Variants in ECD observed in about 807,000 individuals in gnomAD.
ECD encodes ecdysoneless cell cycle regulator.
Under a neutral mutation model 77.2 loss-of-function variants are expected in ECD, and 59 were observed. The ratio of observed to expected loss-of-function variants is 0.76; its 90% CI spans 0.62 to 0.95. The LOEUF (loss-of-function observed/expected upper bound fraction) is 0.95. Ranked by LOEUF, ECD falls within the 40% of genes least tolerant of loss-of-function variation. The pLI is 0.00. For missense variants in ECD, 704 were observed against 763.4 expected, an observed-to-expected ratio of 0.92 and a Z score of 0.92; for synonymous variants, 233 against 267.4, an observed-to-expected ratio of 0.87 and a Z score of 1.26.
intron 3 of ECD, among the ~76,000 whole-genome samples, chr10:73,156,938 T>C (rs1156383103): frequency 2.0e-5 from 3 of 151,856 alleles, no homozygotes; most frequent in Non-Finnish European, 4.4e-5. Context: ...GAAAGTACTA[T>C]AGGGTTCCAA....
intron 9 of ECD, among the ~76,000 whole-genome samples, chr10:73,143,312 G>A (rs900199858): frequency 1.3e-5 from 2 of 151,708 alleles, no homozygotes; most frequent in African/African-American, 4.8e-5. Context: ...GGGATTACAG[G>A]GGCGTGCCAA....
In ECD at chr10:73,156,215, A is replaced by T. The variant is rs1269212597; in HGVS notation, c.590+60T>A. 9 of 1,450,656 alleles carry T rather than the reference A, an allele frequency of 6.2e-6. No individual in the cohort carries two copies. In the African/African-American group the frequency reaches 1.3e-4, roughly 21 times the overall value. The allele number at this position is 1,450,656 out of a possible 1,614,324, so 89.9% of individuals were successfully genotyped here. On this transcript the variant is annotated intron_variant, in intron 5 of 13. Transcript: ENST00000372979. ...GAAAACAAACAAAAATCAAAGAAAG[A>T]CTGAACTACACGAAACCAAAAGGTT...
At chr10:73,150,569 C>G (rs1158050822) in intron 7 of ECD, among the ~76,000 whole-genome samples, 1 of 152,114 alleles carries the variant, frequency 6.6e-6, no homozygotes, top group Non-Finnish European at 1.5e-5. Context: ...AAAGAAACTA[C>G]CATCAGGGTG....
Position 73,139,657 on chromosome 10 carries a change from T to G in ECD, c.1208A>C (p.Glu403Ala). The part of the protein sequence containing the change: ...IPFDIEDLKK[E>A]AANLPPEDDD... ...ATCCTCTGGGGGAAGATTAGCTGCTTCTTTCTTAAGGTCTTCTATATCAAA... is the reference window on the plus strand; with the variant it reads ...ATCCTCTGGGGGAAGATTAGCTGCTGCTTTCTTAAGGTCTTCTATATCAAA... The change falls in exon 10 of 14, where the codon GAA (glutamate) becomes GCA (alanine). Residue 403 changes from glutamate to alanine, a missense_variant. Glu to Ala is a moderately radical substitution (Grantham distance 107). Around this residue, in one of 3 missense-constraint regions of ECD, gnomAD observed 559 missense variants for 583.7 expected, o/e 0.96. Coordinates refer to ENST00000372979, the MANE Select transcript of ECD (RefSeq NM_007265.3). 1 of 1,611,850 alleles carries G rather than the reference T, an allele frequency of 6.2e-7. No homozygotes were observed. The highest frequency in any genetic ancestry group is 8.5e-7 in the Non-Finnish European group (1 of 1,179,386).
chr10:73,152,067 T>C (rs1164207892), intron 7 of ECD, among the ~76,000 whole-genome samples: 1 of 152,236 alleles, frequency 6.6e-6, no homozygotes, highest in African/African-American at 2.4e-5. Flanking sequence ...GAATTTATTT[T>C]GGTATAGGTA....
At chr10:73,148,937 C>T (rs774624077) in intron 7 of ECD, among the ~76,000 whole-genome samples, 5 of 152,192 alleles carry the variant, frequency 3.3e-5, no homozygotes, top group Non-Finnish European at 5.9e-5. Context: ...AAGTAACCTA[C>T]ACACTGAAGT....
chr10:73,155,314 C>T (rs1290294964), intron 5 of ECD, among the ~76,000 whole-genome samples: 1 of 152,004 alleles, frequency 6.6e-6, no homozygotes, highest in African/African-American at 2.4e-5. Flanking sequence ...GATCCACCCG[C>T]CCTGGCCTCC....
intron 9 of ECD, among the ~76,000 whole-genome samples, chr10:73,143,780 G>A (rs1359351563): frequency 1.7e-5 from 1 of 59,870 alleles, no homozygotes; most frequent in Non-Finnish European, 3.3e-5. Context: ...TTACTCATTC[G>A]TTCTATTTTT....
At chr10:73,158,862 A>AC (rs1309587903) in intron 3 of ECD, among the ~76,000 whole-genome samples, 10 of 152,148 alleles carry the variant, frequency 6.6e-5, no homozygotes, top group African/African-American at 2.2e-4. Flanking sequence ...AAATAGTAAG[A>AC]CCCCGTCTTT....
chr10:73,139,787 A>T, intron 9 of ECD, 50 bp from the exon 10 acceptor site: 1 of 1,281,966 alleles, frequency 7.8e-7, no homozygotes. Context: ...AACATAGAAT[A>T]GTAATCATAA....
intron 3 of ECD, among the ~76,000 whole-genome samples, chr10:73,158,543 C>G (rs950415649): frequency 2.0e-5 from 3 of 152,012 alleles, no homozygotes; most frequent in Non-Finnish European, 2.9e-5. Context: ...TGAGACCAGC[C>G]TGGCCAACAT....
intron 13 of ECD, 37 bp from the exon 14 acceptor site, chr10:73,134,850 G>A (rs2133243282): frequency 6.5e-7 from 1 of 1,534,714 alleles, no homozygotes; most frequent in African/African-American, 1.4e-5. Flanking sequence ...ATGGGCTAAT[G>A]TATCATTAGG....
intron 9 of ECD, among the ~76,000 whole-genome samples, chr10:73,140,604 C>T (rs1016322205): frequency 5.9e-5 from 9 of 151,936 alleles, no homozygotes; most frequent in African/African-American, 2.2e-4. Context: ...ATTGCTTGAA[C>T]CCGGGAGGTG....
chr10:73,140,726 A>G (rs1455683305), intron 9 of ECD, among the ~76,000 whole-genome samples: 10 of 151,828 alleles, frequency 6.6e-5, no homozygotes, highest in African/African-American at 2.4e-4. Flanking sequence ...AAGCTCAGAG[A>G]TCTACACAAT....
chr10:73,161,123 G>T (rs972884923), intron 2 of ECD, among the ~76,000 whole-genome samples: 5 of 150,744 alleles, frequency 3.3e-5, no homozygotes, highest in Admixed American at 6.6e-5. Flanking sequence ...TAAAAAGGAA[G>T]TTTGTAGTTG....
At chr10:73,164,854 T>C (rs953502735) in intron 1 of ECD, among the ~76,000 whole-genome samples, 2 of 152,246 alleles carry the variant, frequency 1.3e-5, no homozygotes, top group African/African-American at 4.8e-5. Flanking sequence ...AGAAATCTAG[T>C]ATCACATTCC....
At chr10:73,139,068 G>A (rs1275839141) in intron 11 of ECD, among the ~76,000 whole-genome samples, 2 of 152,120 alleles carry the variant, frequency 1.3e-5, no homozygotes, top group African/African-American at 4.8e-5. Context: ...GTTTCCCTGT[G>A]TGGTTCTGGA....
In ECD at chr10:73,134,525, G is replaced by T. The variant is rs1351953407; in HGVS notation, c.*58C>A. 1.4e-6 allele frequency: 2 copies of T among 1,439,472 alleles called. No homozygotes were observed. The highest frequency in any genetic ancestry group is 2.5e-5 in the East Asian group (1 of 40,322). The allele number at this position is 1,439,472 out of a possible 1,614,324, so 89.2% of individuals were successfully genotyped here. Reference sequence around the variant, plus strand: ...TAAATGAGTAATCTAAACTAGAAATGAACAGAATCATATTCAATATTTATT... The same window carrying T: ...TAAATGAGTAATCTAAACTAGAAATTAACAGAATCATATTCAATATTTATT... On this transcript the variant is annotated 3_prime_UTR_variant, in exon 14 of 14. Transcript: ENST00000372979.
intron 9 of ECD, among the ~76,000 whole-genome samples, chr10:73,142,632 CAAAAAAAAA>C (rs35853120): frequency 1.4e-5 from 1 of 74,022 alleles, no homozygotes; most frequent in Admixed American, 1.5e-4. Flanking sequence ...GACTCCATCT[CAAAAAAAAA>C]AAAAAAAAAA....
Sources: gnomAD v4.1 joint callset for allele counts (sites outside exome capture counted in the v4.1 genomes callset) on GRCh38, gnomAD v4.1.1 for gene constraint, gnomAD v4.1.1 regional missense constraint, MANE v1.5 for transcripts, NCBI Gene and HGNC (gene_info 2026-07-23, HGNC 2026-07-21) for gene names.